Variants in CCDC13 observed in about 807,000 individuals in gnomAD.
CCDC13 encodes the protein coiled-coil domain containing 13.
A neutral mutation model predicts 87.3 loss-of-function variants in CCDC13; 70 were observed. That is an observed-to-expected ratio of 0.80 (90% CI 0.66 to 0.98). CCDC13 has a LOEUF of 0.98. CCDC13 is among the 50% of genes least tolerant of loss of function. The probability of loss-of-function intolerance (pLI) is 0.00; values close to 1 mark genes in which losing one functional copy is unlikely to be tolerated. For missense variants in CCDC13, 842 were observed against 892.0 expected (o/e 0.94, Z 0.71); for synonymous variants, 317 against 360.3 (o/e 0.88, Z 1.36).
chr3:42,706,764 G>A lies in CCDC13; in HGVS notation c.*2216C>T, dbSNP rs1271042022. ...TGTTCCTTGTACAGAAATAAACAGA[G>A]AGCTAATAATTAGTGAAACGTCTTT... On this transcript the variant is annotated 3_prime_UTR_variant, in exon 16 of 16. Coordinates refer to ENST00000310232, the MANE Select transcript of CCDC13 (RefSeq NM_144719.4). The A allele has an allele frequency of 2.0e-5, 3 of 152,212 alleles. No homozygotes were observed. The highest frequency in any genetic ancestry group is 3.8e-4 in the East Asian group (2 of 5,196). 9.4% of individuals were successfully genotyped at this position (152,212 alleles called of 1,614,324 possible).
intron 11 of CCDC13, 135 bp from the exon 12 acceptor site, chr3:42,733,105 G>T: frequency 1.4e-6 from 1 of 705,426 alleles, no homozygotes; most frequent in Non-Finnish European, 2.3e-6. Flanking sequence ...TGGATTTGCT[G>T]CCCTTCTTTC....
At chr3:42,760,962 T>C (rs1288059536) in intron 1 of CCDC13, among the ~76,000 whole-genome samples, 1 of 152,198 alleles carries the variant, frequency 6.6e-6, no homozygotes, top group Non-Finnish European at 1.5e-5. Context: ...TATTAGACAA[T>C]ACAATTTACA....
chr3:42,730,368 G>A (rs1181517221), intron 13 of CCDC13, 99 bp downstream of exon 13: 11 of 1,502,400 alleles, frequency 7.3e-6, no homozygotes, highest in Admixed American at 1.9e-5. Flanking sequence ...ACTGGGAGCC[G>A]AGCTCTCAGG....
At chr3:42,757,331 A>G (rs1233567780) in intron 2 of CCDC13, 117 bp from the exon 3 acceptor site, 3 of 949,518 alleles carry the variant, frequency 3.2e-6, no homozygotes, top group Non-Finnish European at 4.7e-6. Context: ...CACTGACGTG[A>G]AAGAAGAAAG....
Position 42,715,020 on chromosome 3 carries a change from G to A in CCDC13, c.1719-1704C>T, listed in dbSNP as rs566754378. ...AAATTAAAGTTCAGGGGCTGGGCCC[G>A]GGGTCCCACACCTGTAATCCCAGCA... On this transcript the variant is annotated intron_variant, in intron 13 of 15. Transcript: ENST00000310232. 9.2e-5 allele frequency among the ~76,000 whole-genome samples: 14 copies of A among 152,196 alleles called. No individual in the cohort carries two copies. The East Asian group carries it at 1.4e-3, about 15-fold the overall frequency.
intron 1 of CCDC13, among the ~76,000 whole-genome samples, chr3:42,760,953 AT>A (rs1699820172): frequency 6.6e-6 from 1 of 152,132 alleles, no homozygotes; most frequent in Non-Finnish European, 1.5e-5. Flanking sequence ...TTTAAATTGT[AT>A]TAGACAATAC....
At chr3:42,762,338 C>T (rs1157475564) in intron 1 of CCDC13, among the ~76,000 whole-genome samples, 1 of 152,240 alleles carries the variant, frequency 6.6e-6, no homozygotes, top group East Asian at 1.9e-4. Flanking sequence ...TGGCCTTTGA[C>T]CCGCTCCTAA....
intron 1 of CCDC13, among the ~76,000 whole-genome samples, chr3:42,765,600 G>A (rs989934729): frequency 6.6e-6 from 1 of 152,146 alleles, no homozygotes; most frequent in East Asian, 1.9e-4. Flanking sequence ...AGCTTCCCAG[G>A]TGAGCCTAAC....
At chr3:42,764,021 T>C (rs932827334) in intron 1 of CCDC13, among the ~76,000 whole-genome samples, 7 of 152,160 alleles carry the variant, frequency 4.6e-5, no homozygotes, top group African/African-American at 1.7e-4. Flanking sequence ...AGCTTCCAGG[T>C]GATAAGTAGA....
At chr3:42,704,728 AG>A, downstream of CCDC13, 1 of 152,764 alleles carries the variant, frequency 6.5e-6, no homozygotes. Flanking sequence ...ACTGTGTCTG[AG>A]GGGGGTGGCA....
intron 13 of CCDC13, among the ~76,000 whole-genome samples, chr3:42,716,967 A>C (rs1243570741): frequency 6.6e-6 from 1 of 152,262 alleles, no homozygotes; most frequent in Non-Finnish European, 1.5e-5. Flanking sequence ...GTACATGCAC[A>C]CAATAAAATA....
chr3:42,771,160 A>G (rs551999588), intron 1 of CCDC13: 1 of 152,376 alleles, frequency 6.6e-6, no homozygotes, highest in Non-Finnish European at 1.5e-5. Context: ...ACGAAAAGAC[A>G]TGAAAGAAAC....
intron 12 of CCDC13, 53 bp from the exon 13 acceptor site, chr3:42,730,642 A>G (rs1559643421): frequency 8.1e-6 from 13 of 1,600,572 alleles, no homozygotes; most frequent in Admixed American, 1.7e-5. Flanking sequence ...CCTAGAAATA[A>G]CACTTACCCC....
chr3:42,740,209 G>A (rs527459081), intron 8 of CCDC13, among the ~76,000 whole-genome samples: 5 of 152,202 alleles, frequency 3.3e-5, no homozygotes, highest in Non-Finnish European at 7.3e-5. Flanking sequence ...AGAGTGCTGG[G>A]CTAGGTTCCA....
chr3:42,712,582 G>T (rs1698337656), intron 14 of CCDC13, among the ~76,000 whole-genome samples: 1 of 152,226 alleles, frequency 6.6e-6, no homozygotes, highest in Admixed American at 6.5e-5. Context: ...TAAAAGGTAA[G>T]GAGAAGTTTG....
chr3:42,709,906 G>A lies in CCDC13; in HGVS notation c.1874-108C>T, dbSNP rs111805448. 2.3e-4 allele frequency: 190 copies of A among 840,838 alleles called. No individual in the cohort carries two copies. In the African/African-American group the frequency reaches 2.7e-3, roughly 12 times the overall value. The allele number at this position is 840,838 out of a possible 1,614,324, so 52.1% of individuals were successfully genotyped here. A position where few individuals can be genotyped will look rare whatever the true frequency, so the allele number is the denominator to read the frequency against. ...TGCCTGCTCTTCCACATGGTGAAACGCTACACCGCCTTCGGGGTGCAGGGC... is the reference window on the plus strand; with the variant it reads ...TGCCTGCTCTTCCACATGGTGAAACACTACACCGCCTTCGGGGTGCAGGGC... On this transcript the variant is annotated intron_variant, in intron 14 of 15. Transcript: ENST00000310232.
chr3:42,709,580 C>T lies in CCDC13; in HGVS notation c.1988+104G>A, dbSNP rs145265629. On this transcript the variant is annotated intron_variant, in intron 15 of 15. Transcript: ENST00000310232. ...GACCAAACAGGACAAGCCTTCTGGG[C>T]AAATGAGTCAAAAGTGCAAGGGGAG... 33 of 920,186 alleles carry T rather than the reference C, an allele frequency of 3.6e-5. No homozygotes were observed. The East Asian group carries it at 8.1e-4, about 22-fold the overall frequency. 57.0% of individuals were successfully genotyped at this position (920,186 alleles called of 1,614,324 possible).
chr3:42,732,845 A>G (rs556573992), intron 12 of CCDC13, 42 bp downstream of exon 12: 1 of 1,512,100 alleles, frequency 6.6e-7, no homozygotes, highest in East Asian at 2.5e-5. Context: ...GCAATCAAGA[A>G]TGGGAAAAAA....
intron 5 of CCDC13, among the ~76,000 whole-genome samples, chr3:42,749,188 G>A (rs1206589480): frequency 6.6e-6 from 1 of 152,090 alleles, no homozygotes; most frequent in Non-Finnish European, 1.5e-5. Flanking sequence ...GCCCTGGGTT[G>A]GGAAGCAACA....
Sources: gnomAD v4.1 joint callset for allele counts (sites outside exome capture counted in the v4.1 genomes callset) on GRCh38, gnomAD v4.1.1 for gene constraint, MANE v1.5 for transcripts, NCBI Gene and HGNC (gene_info 2026-07-23, HGNC 2026-07-21) for gene names.